The following ZNF423 variants were observed in gnomAD, a reference collection of about 807,000 sequenced individuals.
ZNF423 encodes zinc finger protein 423, also known as Ebf-associated zinc finger protein.
In ZNF423, 12 loss-of-function variants were observed where a neutral mutation model predicts 95.8. The observed-to-expected ratio is 0.13, with a 90% CI of 0.08 to 0.20. The LOEUF is 0.20. Among genes scored for constraint, ZNF423 ranks in the 10% least tolerant of loss-of-function variants. The pLI, the probability that ZNF423 is intolerant of heterozygous loss-of-function variation, is 1.00. For missense variants in ZNF423, 1,316 were observed against 1,737.1 expected (o/e 0.76, Z 4.31); for synonymous variants, 749 against 711.9 (o/e 1.05, Z -0.83).
At chr16:49,537,072 T>G (rs1416338840) in intron 5 of ZNF423, among the ~76,000 whole-genome samples, 1 of 152,244 alleles carries the variant, frequency 6.6e-6, no homozygotes, top group African/African-American at 2.4e-5. Context: ...GAGAAACCAC[T>G]TAGATGTGAA....
rs1448776198 is a variant in ZNF423 at position 49,492,789 on chromosome 16, A to G, written c.3850-1485T>C. Among the ~76,000 whole-genome samples the G allele has an allele frequency of 6.6e-6, 1 of 152,100 alleles. No individual in the cohort carries two copies. Among genetic ancestry groups the G allele is most frequent in the East Asian group, 1.9e-4 (1 of 5,170 alleles). On this transcript the variant is annotated intron_variant, in intron 7 of 7. Transcript: ENST00000563137. The surrounding 1 kb of genome is among the most constrained non-coding windows in gnomAD (Gnocchi z 4.2). ...CCTCACAACAGCCTTGCGAGGTGGG[A>G]CTTCTTAAGATGAAGACACCGAGGC...
intron 5 of ZNF423, among the ~76,000 whole-genome samples, chr16:49,591,158 G>A (rs530519340): frequency 4.6e-5 from 7 of 152,218 alleles, no homozygotes; most frequent in African/African-American, 1.7e-4. Context: ...GACAGTATAA[G>A]TCCACTGCAA....
chr16:49,837,999 T>C (rs1169827080), intron 1 of ZNF423, among the ~76,000 whole-genome samples: 1 of 152,222 alleles, frequency 6.6e-6, no homozygotes, highest in East Asian at 1.9e-4. Flanking sequence ...GTAAGCTCCC[T>C]GAAGGCAAGG....
At chr16:49,562,571 G>T (rs1970053378) in intron 5 of ZNF423, among the ~76,000 whole-genome samples, 1 of 152,206 alleles carries the variant, frequency 6.6e-6, no homozygotes, top group South Asian at 2.1e-4. Flanking sequence ...TCCACAAAAA[G>T]TTGTCTATGA....
At chr16:49,842,180 G>C (rs1289075387) in intron 1 of ZNF423, among the ~76,000 whole-genome samples, 2 of 148,192 alleles carry the variant, frequency 1.3e-5, no homozygotes, top group Non-Finnish European at 3.0e-5. Context: ...AGAGGTCACA[G>C]TGAACCGAGA....
At chr16:49,725,068 T>C (rs149396011) in intron 3 of ZNF423, among the ~76,000 whole-genome samples, 132 of 152,226 alleles carry the variant, frequency 8.7e-4, no homozygotes, top group African/African-American at 3.2e-3. Flanking sequence ...TTGAGCAAGG[T>C]CCTCCAGCTC....
chr16:49,626,328 G>T lies in ZNF423; in HGVS notation c.3517-74C>A. 2.1e-6 allele frequency: 3 copies of T among 1,448,404 alleles called. No individual in the cohort carries two copies. The South Asian group carries it at 3.4e-5, about 17-fold the overall frequency. 89.7% of individuals were successfully genotyped at this position (1,448,404 alleles called of 1,614,324 possible). A position where few individuals can be genotyped will look rare whatever the true frequency, so the allele number is the denominator to read the frequency against. ...AAAGGAGAAAGCAAAAGTTCCTAGG[G>T]GGCCTGGGTCAAGACTTTCCAGAAT... is the stretch of plus-strand genomic sequence containing the variant. On this transcript the variant is annotated intron_variant, in intron 4 of 7. Transcript: ENST00000563137.
chr16:49,775,602 C>G lies in ZNF423; in HGVS notation c.100+13885G>C, dbSNP rs149828543. ...GCTTTGTTATTCCCATTCTACAGAT[C>G]ACAAAACTGAGCTCTGGGAAGGTGC... On this transcript the variant is annotated intron_variant, in intron 2 of 7. Transcript: ENST00000563137. Among the ~76,000 whole-genome samples the G allele has an allele frequency of 6.2e-3, 944 of 152,280 alleles. 13 individuals are homozygous for G. Among genetic ancestry groups the G allele is most frequent in the African/African-American group, 0.022 (911 of 41,560 alleles).
chr16:49,735,473 C>T (rs924874717), intron 2 of ZNF423, among the ~76,000 whole-genome samples: 5 of 152,182 alleles, frequency 3.3e-5, no homozygotes, highest in African/African-American at 1.2e-4. Flanking sequence ...ATCTCCCACC[C>T]CACCTGCCCT....
intron 5 of ZNF423, among the ~76,000 whole-genome samples, chr16:49,594,607 A>T (rs75088477): frequency 0.045 from 6,875 of 152,298 alleles, 556 homozygotes; most frequent in African/African-American, 0.16. Flanking sequence ...TTAAACACAT[A>T]AGACCACAAA....
intron 2 of ZNF423, among the ~76,000 whole-genome samples, chr16:49,733,674 C>T (rs2033220947): frequency 6.6e-6 from 1 of 152,162 alleles, no homozygotes; most frequent in Non-Finnish European, 1.5e-5. Flanking sequence ...CACACAAAGG[C>T]GCGGACCTCA....
rs533284834 is a variant in ZNF423, at chr16:49,643,909, G to A, written c.302-5035C>T. Among the ~76,000 whole-genome samples the A allele has an allele frequency of 4.6e-5, 7 of 152,330 alleles. No homozygotes were observed. The East Asian group carries it at 1.4e-3, about 29-fold the overall frequency. On this transcript the variant is annotated intron_variant, in intron 3 of 7. Coordinates refer to ENST00000563137, the MANE Select transcript of ZNF423 (RefSeq NM_001379286.1). ...ACACGTCAGCAGCAGAAAGAGCCAG[G>A]TGATTCCCAAGCTCATGTGGTCACA...
Position 49,490,847 on chromosome 16 carries a change from T to TAA in ZNF423, c.*426_*427dup. ...ATGCACAATTACCTAGAATTGCAAT[T>TAA]AAAAAGTAGTTAACCGAAGGGGGTG... On this transcript the variant is annotated 3_prime_UTR_variant, in exon 8 of 8. Transcript: ENST00000563137. 1 of 106,620 alleles carries TAA rather than the reference T, an allele frequency of 9.4e-6. No homozygotes were observed. Among genetic ancestry groups the TAA allele is most frequent in the Non-Finnish European group, 1.6e-5 (1 of 61,666 alleles). The allele number at this position is 106,620 out of a possible 1,614,324, so 6.6% of individuals were successfully genotyped here. A position where few individuals can be genotyped will look rare whatever the true frequency, so the allele number is the denominator to read the frequency against.
At chr16:49,724,620 C>A (rs556120753) in intron 3 of ZNF423, among the ~76,000 whole-genome samples, 1 of 152,216 alleles carries the variant, frequency 6.6e-6, no homozygotes, top group Admixed American at 6.5e-5. Context: ...GCTGGCCAGC[C>A]GGCCGACAGC....
chr16:49,555,317 C>A (rs912798030), intron 5 of ZNF423, among the ~76,000 whole-genome samples: 1 of 152,190 alleles, frequency 6.6e-6, no homozygotes, highest in Non-Finnish European at 1.5e-5. Context: ...TCAGTTCAGG[C>A]TGTGCAGGGT....
intron 5 of ZNF423, among the ~76,000 whole-genome samples, chr16:49,579,554 T>C (rs1474762007): frequency 1.3e-5 from 2 of 152,136 alleles, no homozygotes; most frequent in Non-Finnish European, 2.9e-5. Flanking sequence ...GAAGGGCTGT[T>C]GTTGGGCTTG....
At chr16:49,579,389 C>T (rs1049356045) in intron 5 of ZNF423, among the ~76,000 whole-genome samples, 4 of 152,144 alleles carry the variant, frequency 2.6e-5, no homozygotes, top group Admixed American at 6.5e-5. Flanking sequence ...CACTCCACTT[C>T]CCTTCCCTCC....
At chr16:49,809,678 G>C (rs1202732222) in intron 1 of ZNF423, among the ~76,000 whole-genome samples, 1 of 152,224 alleles carries the variant, frequency 6.6e-6, no homozygotes, top group Non-Finnish European at 1.5e-5. Flanking sequence ...TCCCAGAGGG[G>C]AGAGGTGGGG....
At chr16:49,647,220 C>A (rs912287306) in intron 3 of ZNF423, among the ~76,000 whole-genome samples, 2 of 152,342 alleles carry the variant, frequency 1.3e-5, no homozygotes, top group African/African-American at 2.4e-5. Context: ...CCCCACCTGC[C>A]ATTGAGGCAA....
Sources: allele counts gnomAD v4.1 joint callset (sites outside exome capture counted in the v4.1 genomes callset), GRCh38; gene constraint gnomAD v4.1.1; non-coding constraint Gnocchi (gnomAD v3.1); transcripts MANE v1.5; gene names NCBI Gene and HGNC (gene_info 2026-07-23, HGNC 2026-07-21).